Variants in MYO1B observed in about 807,000 individuals in gnomAD.
MYO1B encodes the protein unconventional myosin-Ib.
Under a neutral mutation model 159.7 loss-of-function variants are expected in MYO1B, and 72 were observed. The ratio of observed to expected loss-of-function variants is 0.45; its 90% CI spans 0.37 to 0.55. The LOEUF (loss-of-function observed/expected upper bound fraction) is 0.55. Among genes scored for constraint, MYO1B ranks in the 20% least tolerant of loss-of-function variants. The pLI is 0.00. For synonymous variants in MYO1B, 468 were observed against 473.8 expected (o/e 0.99, Z 0.16); for missense variants, 1,062 against 1,364.8 (o/e 0.78, Z 3.50).
intron 7 of MYO1B, among the ~76,000 whole-genome samples, chr2:191,352,613 G>A (rs762173455): frequency 6.6e-6 from 1 of 152,196 alleles, no homozygotes; most frequent in Non-Finnish European, 1.5e-5. Context: ...CTTCATGAAT[G>A]GAGTTCATAT....
At chr2:191,382,711 G>A (rs1341813693) in intron 14 of MYO1B, among the ~76,000 whole-genome samples, 4 of 152,184 alleles carry the variant, frequency 2.6e-5, no homozygotes, top group African/African-American at 4.8e-5. Flanking sequence ...ATTTGGCTTT[G>A]TAGCCAGTGT....
chr2:191,389,444 G>C (rs952660103), intron 17 of MYO1B, among the ~76,000 whole-genome samples: 2 of 152,204 alleles, frequency 1.3e-5, no homozygotes, highest in Non-Finnish European at 2.9e-5. Flanking sequence ...CTGTTTTGTG[G>C]CTCTGCCGTT....
intron 2 of MYO1B, among the ~76,000 whole-genome samples, chr2:191,282,470 A>G (rs1411400995): frequency 6.6e-6 from 1 of 152,226 alleles, no homozygotes; most frequent in African/African-American, 2.4e-5. Flanking sequence ...TTTATTCTTT[A>G]TAAAATTTTC....
chr2:191,380,818 T>C (rs1694997331), intron 13 of MYO1B, among the ~76,000 whole-genome samples: 1 of 152,118 alleles, frequency 6.6e-6, no homozygotes. Context: ...AGCCAATACA[T>C]ATTGAGAACT....
chr2:191,277,013 G>C lies in MYO1B; in HGVS notation c.118G>C (p.Asp40His), dbSNP rs775392708. The C allele has an allele frequency of 6.2e-7, 1 of 1,613,550 alleles. No individual in the cohort carries two copies. The highest frequency in any genetic ancestry group is 1.3e-5 in the African/African-American group (1 of 74,868). ...CATCAACAACCTCAAGAAGCGCTTT[G>C]ACCACAGTGAAATATACGTAAGTAC... is the stretch of plus-strand genomic sequence containing the variant. The part of the protein sequence containing the change: ...TFINNLKKRF[D>H]HSEIYTYIGS... Residue 40 changes from aspartate (D) to histidine (H), a missense_variant, in exon 2 of 31, where the codon GAC (aspartate) becomes CAC (histidine). Around this residue, in one of 5 missense-constraint regions of MYO1B, gnomAD observed 415 missense variants for 544.0 expected, o/e 0.76. Coordinates refer to ENST00000392318, the MANE Select transcript of MYO1B (RefSeq NM_001130158.3).
intron 21 of MYO1B, among the ~76,000 whole-genome samples, chr2:191,397,600 A>C (rs1696204224): frequency 6.7e-6 from 1 of 149,874 alleles, no homozygotes; most frequent in Admixed American, 6.6e-5. Context: ...TTCTATCCAC[A>C]CAGACCCGGC....
chr2:191,277,054 G>T, intron 2 of MYO1B, 24 bp downstream of exon 2: 1 of 1,608,780 alleles, frequency 6.2e-7, no homozygotes, highest in Non-Finnish European at 8.5e-7. Flanking sequence ...AAGGTCATCT[G>T]TAATGTTTAG....
intron 1 of MYO1B, among the ~76,000 whole-genome samples, chr2:191,270,965 C>A (rs1298282643): frequency 6.6e-6 from 1 of 152,206 alleles, no homozygotes; most frequent in African/African-American, 2.4e-5. Context: ...TGAGGACGTG[C>A]ATTGTTGTAC....
At chr2:191,357,925 T>C (rs935508173) in intron 7 of MYO1B, among the ~76,000 whole-genome samples, 2 of 152,208 alleles carry the variant, frequency 1.3e-5, no homozygotes, top group African/African-American at 4.8e-5. Context: ...TTGTGACTTA[T>C]GAGAAAAGTC....
chr2:191,413,862 A>G (rs1256780726), intron 27 of MYO1B, among the ~76,000 whole-genome samples, 186 bp from the exon 28 acceptor site: 1 of 152,196 alleles, frequency 6.6e-6, no homozygotes, highest in African/African-American at 2.4e-5. Flanking sequence ...AGTGTATTTG[A>G]AATAGGTTTA....
intron 4 of MYO1B, among the ~76,000 whole-genome samples, chr2:191,340,224 A>G (rs1204952067): frequency 1.3e-5 from 2 of 152,026 alleles, no homozygotes; most frequent in Admixed American, 1.3e-4. Flanking sequence ...TCCATAGAAA[A>G]TAAATTAGGG....
Position 191,408,700 on chromosome 2 carries a change from T to G in MYO1B, c.2632-344T>G, listed in dbSNP as rs576264689. On this transcript the variant is annotated intron_variant, in intron 25 of 30. Coordinates refer to ENST00000392318, the MANE Select transcript of MYO1B (RefSeq NM_001130158.3). ...GACTAAGGAACTGGATTTTAAAATTTAATTTAATTTTAGTTACTTAAAATG... is the reference window on the plus strand; with the variant it reads ...GACTAAGGAACTGGATTTTAAAATTGAATTTAATTTTAGTTACTTAAAATG... 1.2e-4 allele frequency among the ~76,000 whole-genome samples: 18 copies of G among 152,288 alleles called. No homozygotes were observed. The East Asian group carries it at 2.7e-3, about 23-fold the overall frequency.
chr2:191,341,819 T>C (rs1692243227), intron 5 of MYO1B, among the ~76,000 whole-genome samples: 1 of 152,202 alleles, frequency 6.6e-6, no homozygotes, highest in Non-Finnish European at 1.5e-5. Context: ...TTTATTTGAA[T>C]TCTTTAAATT....
intron 30 of MYO1B, among the ~76,000 whole-genome samples, chr2:191,419,598 C>T (rs1697811575): frequency 1.3e-5 from 2 of 152,180 alleles, no homozygotes; most frequent in South Asian, 4.2e-4. Flanking sequence ...TCGGGCAGGT[C>T]CTTAAGGGGG....
At chr2:191,247,703 G>T (rs1685872106) in intron 1 of MYO1B, among the ~76,000 whole-genome samples, 1 of 152,208 alleles carries the variant, frequency 6.6e-6, no homozygotes, top group African/African-American at 2.4e-5. Flanking sequence ...AATACAACAC[G>T]ATTGAATTCC....
chr2:191,370,374 A>C (rs780723009), intron 13 of MYO1B, 82 bp downstream of exon 13: 249 of 918,584 alleles, frequency 2.7e-4, no homozygotes, highest in Non-Finnish European at 4.0e-4. Flanking sequence ...TAGACATTAT[A>C]AGTAACTGTA....
chr2:191,302,521 T>C (rs558398703), intron 3 of MYO1B, among the ~76,000 whole-genome samples: 16 of 152,318 alleles, frequency 1.1e-4, no homozygotes, highest in Admixed American at 4.6e-4. Context: ...AAAAATATTT[T>C]TATGGTGCTC....
rs1372927035 is a variant in MYO1B, at chr2:191,400,420, C to T, written c.2334C>T (p.Arg778=). The part of the protein sequence containing the change: ...KILRELKHQK[R]CKEAVTTIAA... ...TGCGGGAACTGAAGCATCAAAAGCG[C>T]TGTAAGGAAGCAGTCACGACCATTG... The change falls in exon 22 of 31, where the codon CGC becomes CGT. Residue 778 remains arginine, a synonymous_variant. Coordinates refer to ENST00000392318, the MANE Select transcript of MYO1B (RefSeq NM_001130158.3). 1.9e-6 allele frequency: 3 copies of T among 1,614,090 alleles called. No individual in the cohort carries two copies. The highest frequency in any genetic ancestry group is 2.5e-6 in the Non-Finnish European group (3 of 1,180,016).
At chr2:191,395,271 A>C (rs946726906) in intron 20 of MYO1B, among the ~76,000 whole-genome samples, 15 of 152,270 alleles carry the variant, frequency 9.9e-5, no homozygotes, top group South Asian at 6.2e-4. Context: ...CCACCTCTTC[A>C]TTTAACAGCT....
Sources: allele counts gnomAD v4.1 joint callset (sites outside exome capture counted in the v4.1 genomes callset), GRCh38; gene constraint gnomAD v4.1.1; regional missense constraint gnomAD v4.1.1; transcripts MANE v1.5; gene names NCBI Gene and HGNC (gene_info 2026-07-23, HGNC 2026-07-21).